NUFIP1: variants seen among roughly 807,000 people sequenced by gnomAD.
The protein encoded by NUFIP1 is FMR1-interacting protein NUFIP1.
Under a neutral mutation model 56.2 loss-of-function variants are expected in NUFIP1, and 38 were observed. That is an observed-to-expected ratio of 0.68 (90% CI 0.52 to 0.89). The LOEUF (loss-of-function observed/expected upper bound fraction) is 0.89. Ranked by LOEUF, NUFIP1 falls within the 40% of genes least tolerant of loss-of-function variation. The probability of loss-of-function intolerance (pLI) is 0.00; values close to 1 mark genes in which losing one functional copy is unlikely to be tolerated. For synonymous variants in NUFIP1, 215 were observed against 212.4 expected (o/e 1.01, Z -0.10); for missense variants, 567 against 605.8 (o/e 0.94, Z 0.67).
chr13:44,978,964 C>T (rs572084153), intron 5 of NUFIP1, among the ~76,000 whole-genome samples: 5 of 152,212 alleles, frequency 3.3e-5, no homozygotes, highest in East Asian at 1.9e-4. Flanking sequence ...CATGCAGTAG[C>T]CCCCCTCAAA....
intron 5 of NUFIP1, among the ~76,000 whole-genome samples, chr13:44,977,790 T>C (rs1001128346): frequency 6.6e-6 from 1 of 152,222 alleles, no homozygotes; most frequent in Admixed American, 6.5e-5. Context: ...GGCTCATGCC[T>C]GTAATCCCAG....
chr13:44,949,899 C>A, intron 7 of NUFIP1, 61 bp from the exon 8 acceptor site: 1 of 989,980 alleles, frequency 1.0e-6, no homozygotes, highest in South Asian at 1.3e-5. Flanking sequence ...GTCCATCCCC[C>A]ATTCCCTCAT....
intron 9 of NUFIP1, 91 bp downstream of exon 9, chr13:44,943,349 CAA>C: frequency 9.4e-7 from 1 of 1,064,230 alleles, no homozygotes; most frequent in Non-Finnish European, 1.4e-6. Flanking sequence ...AACCTTAAAA[CAA>C]ACACACACAC....
intron 5 of NUFIP1, among the ~76,000 whole-genome samples, chr13:44,968,309 G>A (rs996413819): frequency 6.6e-6 from 1 of 151,700 alleles, no homozygotes; most frequent in East Asian, 1.9e-4. Context: ...GCACTTGTAC[G>A]AGTGTGAAAT....
chr13:44,989,238 G>T lies in NUFIP1; in HGVS notation c.199C>A (p.Pro67Thr). Residue 67 changes from proline to threonine, a missense_variant, in exon 1 of 10, where the codon CCC (proline) becomes ACC (threonine). Physicochemically the swap from Pro to Thr is conservative, Grantham distance 38 (BLOSUM62 -1). Transcript: ENST00000379161. ...AGSKPSSESQPPMEAQSLPGA... is the reference protein window; with the variant it reads ...AGSKPSSESQTPMEAQSLPGA... ...GGGAGAGACTGGGCCTCCATGGGGG[G>T]CTGCGACTCAGAGGAAGGCTTTGAC... 3 of 1,612,690 alleles carry T rather than the reference G, an allele frequency of 1.9e-6. No individual in the cohort carries two copies. The highest frequency in any genetic ancestry group is 2.5e-6 in the Non-Finnish European group (3 of 1,179,380).
chr13:44,981,744 G>A (rs192177975), intron 2 of NUFIP1, among the ~76,000 whole-genome samples: 12 of 152,112 alleles, frequency 7.9e-5, no homozygotes, highest in South Asian at 2.1e-4. Context: ...CCCAGGAGGC[G>A]GAGGTTGCAG....
At chr13:44,952,143 T>C (rs1301701246) in intron 7 of NUFIP1, among the ~76,000 whole-genome samples, 1 of 152,142 alleles carries the variant, frequency 6.6e-6, no homozygotes, top group Admixed American at 6.6e-5. Context: ...GATAATTCTG[T>C]TTTTTTGTTT....
At chr13:44,967,633 C>T (rs1366226724) in intron 5 of NUFIP1, among the ~76,000 whole-genome samples, 1 of 152,128 alleles carries the variant, frequency 6.6e-6, no homozygotes, top group Non-Finnish European at 1.5e-5. Flanking sequence ...GAATACCAAA[C>T]TAGAAAGTTT....
chr13:44,980,891 T>A, intron 2 of NUFIP1, 71 bp from the exon 3 acceptor site: 5 of 936,368 alleles, frequency 5.3e-6, no homozygotes, highest in South Asian at 1.5e-5. Context: ...AACATAACTA[T>A]CATTCTAGTA....
intron 8 of NUFIP1, among the ~76,000 whole-genome samples, chr13:44,946,234 T>G (rs1870898273): frequency 6.6e-6 from 1 of 152,162 alleles, no homozygotes; most frequent in South Asian, 2.1e-4. Flanking sequence ...ATTTTTCTCT[T>G]TCTTGAGATT....
chr13:44,945,460 A>G (rs1870875226), intron 8 of NUFIP1, among the ~76,000 whole-genome samples: 1 of 152,074 alleles, frequency 6.6e-6, no homozygotes, highest in Non-Finnish European at 1.5e-5. Flanking sequence ...GAAATCCTAC[A>G]CAAACCCTTA....
At chr13:44,982,411 T>A (rs1324060107) in intron 1 of NUFIP1, among the ~76,000 whole-genome samples, 1 of 152,182 alleles carries the variant, frequency 6.6e-6, no homozygotes, top group African/African-American at 2.4e-5. Flanking sequence ...ATGGACAACC[T>A]AACCTGATGA....
intron 9 of NUFIP1, 65 bp downstream of exon 9, chr13:44,943,377 C>T: frequency 7.5e-7 from 1 of 1,339,962 alleles, no homozygotes; most frequent in South Asian, 1.3e-5. Context: ...CACACACACA[C>T]CCCAGTGGCT....
chr13:44,968,993 T>C (rs1286955647), intron 5 of NUFIP1, among the ~76,000 whole-genome samples: 1 of 152,238 alleles, frequency 6.6e-6, no homozygotes, highest in African/African-American at 2.4e-5. Flanking sequence ...CAGTATCATG[T>C]TCCTAAAGGT....
chr13:44,964,871 A>G (rs1272242253), intron 6 of NUFIP1, among the ~76,000 whole-genome samples: 1 of 152,232 alleles, frequency 6.6e-6, no homozygotes, highest in Non-Finnish European at 1.5e-5. Context: ...TTTCAGACTA[A>G]ACACTGCTCT....
At chr13:44,958,355 A>C (rs558437137) in intron 7 of NUFIP1, among the ~76,000 whole-genome samples, 1 of 152,288 alleles carries the variant, frequency 6.6e-6, no homozygotes, top group South Asian at 2.1e-4. Flanking sequence ...ATATGTGTAA[A>C]AGGCTGTCAT....
intron 5 of NUFIP1, among the ~76,000 whole-genome samples, chr13:44,972,903 C>T (rs1234734952): frequency 6.6e-6 from 1 of 152,180 alleles, no homozygotes; most frequent in Non-Finnish European, 1.5e-5. Context: ...AAATCTTTGT[C>T]CTTTCAAATA....
intron 6 of NUFIP1, among the ~76,000 whole-genome samples, chr13:44,963,378 A>C (rs1373196623): frequency 6.6e-6 from 1 of 152,182 alleles, no homozygotes; most frequent in Non-Finnish European, 1.5e-5. Flanking sequence ...AAAAATATTG[A>C]TCTTACATGT....
At chr13:44,980,617 G>A (rs1185947893) in intron 3 of NUFIP1, 105 bp downstream of exon 3, 5 of 829,512 alleles carry the variant, frequency 6.0e-6, no homozygotes. Flanking sequence ...TATCTCTACA[G>A]AAACTATAAA....
Sources: allele counts gnomAD v4.1 joint callset (sites outside exome capture counted in the v4.1 genomes callset), GRCh38; gene constraint gnomAD v4.1.1; transcripts MANE v1.5; gene names NCBI Gene and HGNC (gene_info 2026-07-23, HGNC 2026-07-21).